Variants in CCAR1 observed in about 807,000 individuals in gnomAD.
CCAR1 encodes cell division cycle and apoptosis regulator protein 1.
In CCAR1, 78 loss-of-function variants were observed where a neutral mutation model predicts 163.8. The observed-to-expected ratio is 0.48, with a 90% CI of 0.40 to 0.57. CCAR1 has a LOEUF of 0.57. CCAR1 is among the 20% of genes least tolerant of loss of function. The pLI, the probability that CCAR1 is intolerant of heterozygous loss-of-function variation, is 0.00. For synonymous variants in CCAR1, 443 were observed against 460.7 expected, an observed-to-expected ratio of 0.96 and a Z score of 0.49; for missense variants, 1,019 against 1,365.2, an observed-to-expected ratio of 0.75 and a Z score of 4.00.
chr10:68,733,861 A>T (rs1426645370), intron 2 of CCAR1, among the ~76,000 whole-genome samples: 1 of 152,002 alleles, frequency 6.6e-6, no homozygotes, highest in Admixed American at 6.6e-5. Flanking sequence ...ACAAGGTTTC[A>T]CCATGTTGGC....
intron 8 of CCAR1, 138 bp downstream of exon 8, chr10:68,747,704 C>A: frequency 1.6e-6 from 1 of 641,718 alleles, no homozygotes; most frequent in Non-Finnish European, 2.6e-6. Context: ...CATCTACTTC[C>A]ATAGCTATGT....
At chr10:68,734,763 A>G (rs1010158730) in intron 2 of CCAR1, among the ~76,000 whole-genome samples, 3 of 152,048 alleles carry the variant, frequency 2.0e-5, no homozygotes, top group Non-Finnish European at 4.4e-5. Context: ...TGCCCCAGGG[A>G]GCTAGTGGTC....
rs1564539576 is a variant in CCAR1 at position 68,754,085 on chromosome 10, T to A, written c.1344+8T>A. ...CACTTATACAGTGCAAAGGTTTGTA[T>A]TCAGCTGTGATATGCAGCTTAAATT... On this transcript the variant is annotated splice_region_variant and intron_variant, in intron 11 of 24. Coordinates refer to ENST00000265872, the MANE Select transcript of CCAR1 (RefSeq NM_018237.4). 6.4e-7 allele frequency: 1 copy of A among 1,574,490 alleles called. No homozygotes were observed. The highest frequency in any genetic ancestry group is 2.2e-5 in the East Asian group (1 of 44,598).
At chr10:68,754,880 A>T in intron 12 of CCAR1, 53 bp downstream of exon 12, 1 of 945,616 alleles carries the variant, frequency 1.1e-6, no homozygotes, top group East Asian at 2.4e-5. Flanking sequence ...GCTTAGCTGT[A>T]ACTTTGTACA....
intron 18 of CCAR1, among the ~76,000 whole-genome samples, chr10:68,772,577 G>A (rs1242924782): frequency 1.3e-5 from 2 of 151,924 alleles, no homozygotes; most frequent in Non-Finnish European, 2.9e-5. Context: ...TTTAATGTGT[G>A]GTGGGATTTC....
intron 6 of CCAR1, among the ~76,000 whole-genome samples, chr10:68,745,264 C>A (rs2133341629): frequency 6.6e-6 from 1 of 152,196 alleles, no homozygotes; most frequent in East Asian, 1.9e-4. Flanking sequence ...TCTCAGCCTC[C>A]CAAAGTCCTG....
At chr10:68,780,490 G>A (rs1430793524) in intron 19 of CCAR1, among the ~76,000 whole-genome samples, 1 of 152,188 alleles carries the variant, frequency 6.6e-6, no homozygotes, top group Non-Finnish European at 1.5e-5. Context: ...ACCACACCCA[G>A]CCATTAGAAC....
At chr10:68,773,858 G>A (rs1034244143) in intron 19 of CCAR1, among the ~76,000 whole-genome samples, 1 of 151,890 alleles carries the variant, frequency 6.6e-6, no homozygotes, top group Non-Finnish European at 1.5e-5. Flanking sequence ...GACTACAGGT[G>A]CTTGCCACCA....
intron 16 of CCAR1, 91 bp downstream of exon 16, chr10:68,761,283 A>G: frequency 1.8e-6 from 1 of 551,060 alleles, no homozygotes; most frequent in Non-Finnish European, 2.9e-6. Context: ...ATGTGTGTGT[A>G]AGCTTTTATT....
chr10:68,781,201 C>G (rs972556250), intron 19 of CCAR1, among the ~76,000 whole-genome samples: 1 of 151,436 alleles, frequency 6.6e-6, no homozygotes, highest in East Asian at 1.9e-4. Flanking sequence ...CCACTGCACT[C>G]CAGCGTGGGT....
intron 10 of CCAR1, among the ~76,000 whole-genome samples, chr10:68,753,349 T>C (rs1275271990): frequency 6.6e-6 from 1 of 152,170 alleles, no homozygotes; most frequent in African/African-American, 2.4e-5. Flanking sequence ...GAATTTTGCT[T>C]TTTGTGGATT....
intron 10 of CCAR1, 134 bp downstream of exon 10, chr10:68,749,819 A>C: frequency 1.4e-6 from 1 of 712,428 alleles, no homozygotes; most frequent in Non-Finnish European, 2.3e-6. Context: ...GCAGAAATGC[A>C]ATTTGAAATA....
intron 18 of CCAR1, among the ~76,000 whole-genome samples, chr10:68,772,765 A>T (rs1281258784): frequency 6.7e-6 from 1 of 149,714 alleles, no homozygotes; most frequent in Non-Finnish European, 1.5e-5. Flanking sequence ...CTCAAAAAAA[A>T]AAAAACCATA....
intron 6 of CCAR1, among the ~76,000 whole-genome samples, chr10:68,743,149 GTCTT>G (rs1017487825): frequency 6.6e-6 from 1 of 151,278 alleles, no homozygotes; most frequent in Non-Finnish European, 1.5e-5. Context: ...GGGCAGGCTG[GTCTT>G]GATAGGATAA....
intron 19 of CCAR1, chr10:68,775,018 A>G (rs771830549): frequency 2.5e-5 from 9 of 356,274 alleles, no homozygotes; most frequent in Admixed American, 2.2e-4. Context: ...TCTTCTCTCT[A>G]CCATATCAGT....
At chr10:68,737,521 A>G (rs537698202) in intron 3 of CCAR1, among the ~76,000 whole-genome samples, 8 of 149,802 alleles carry the variant, frequency 5.3e-5, no homozygotes, top group Non-Finnish European at 8.9e-5. Flanking sequence ...AAAAAAAAGT[A>G]GTTGAATAGT....
intron 17 of CCAR1, among the ~76,000 whole-genome samples, chr10:68,769,046 C>T (rs2056568490): frequency 6.6e-6 from 1 of 152,168 alleles, no homozygotes; most frequent in Admixed American, 6.6e-5. Flanking sequence ...ATGATCTTGG[C>T]TCACTGCAAC....
chr10:68,786,995 G>C (rs1406078472), intron 21 of CCAR1: 1 of 217,960 alleles, frequency 4.6e-6, no homozygotes, highest in Non-Finnish European at 9.0e-6. Context: ...TGAGACAGGA[G>C]AATCTCTTGA....
At chr10:68,740,269 T>C (rs1049329752) in intron 4 of CCAR1, among the ~76,000 whole-genome samples, 1 of 152,250 alleles carries the variant, frequency 6.6e-6, no homozygotes, top group African/African-American at 2.4e-5. Flanking sequence ...ATAAAAGTAG[T>C]TAAGTGCCTA....
Sources: allele counts gnomAD v4.1 joint callset (sites outside exome capture counted in the v4.1 genomes callset), GRCh38; gene constraint gnomAD v4.1.1; transcripts MANE v1.5; gene names NCBI Gene and HGNC (gene_info 2026-07-23, HGNC 2026-07-21).